Variants in SLC49A4 observed in about 807,000 individuals in gnomAD.
The protein encoded by SLC49A4 is disrupted in renal cancer protein 2.
In SLC49A4, 36 loss-of-function variants were observed where a neutral mutation model predicts 50.6. The observed-to-expected ratio is 0.71, with a 90% CI of 0.55 to 0.94. The LOEUF (loss-of-function observed/expected upper bound fraction) is 0.94. SLC49A4 is among the 40% of genes least tolerant of loss of function. SLC49A4 has a pLI of 0.00. For synonymous variants in SLC49A4, 248 were observed against 241.2 expected (o/e 1.03, Z -0.26); for missense variants, 503 against 605.7 (o/e 0.83, Z 1.78).
intron 7 of SLC49A4, among the ~76,000 whole-genome samples, chr3:122,860,907 G>C (rs1289011155): frequency 6.6e-6 from 1 of 152,156 alleles, no homozygotes; most frequent in Non-Finnish European, 1.5e-5. Flanking sequence ...ACAGACTCTA[G>C]GGAAGAATCT....
intron 2 of SLC49A4, among the ~76,000 whole-genome samples, chr3:122,809,300 CAA>C (rs1042241007): frequency 1.3e-5 from 2 of 152,136 alleles, no homozygotes; most frequent in African/African-American, 2.4e-5. Context: ...GATTTTAACA[CAA>C]GTCTCATTAT....
At chr3:122,842,360 C>A (rs1284589800) in intron 4 of SLC49A4, among the ~76,000 whole-genome samples, 2 of 151,918 alleles carry the variant, frequency 1.3e-5, no homozygotes, top group Non-Finnish European at 2.9e-5. Context: ...GTAGCGGGTG[C>A]CTGTAGTCCC....
At chr3:122,798,574 A>G (rs1350218089) in intron 1 of SLC49A4, among the ~76,000 whole-genome samples, 1 of 149,738 alleles carries the variant, frequency 6.7e-6, no homozygotes, top group African/African-American at 2.5e-5. Context: ...CAGGTGTTCC[A>G]TCTACGCACG....
intron 2 of SLC49A4, among the ~76,000 whole-genome samples, chr3:122,807,536 G>T (rs111894306): frequency 4.6e-5 from 7 of 152,086 alleles, no homozygotes; most frequent in South Asian, 4.2e-4. Context: ...GGAGTGTAAG[G>T]TATACGAAGG....
At chr3:122,825,589 T>C (rs1269306515) in intron 2 of SLC49A4, among the ~76,000 whole-genome samples, 1 of 151,772 alleles carries the variant, frequency 6.6e-6, no homozygotes, top group South Asian at 2.1e-4. Context: ...TTTATTTTTC[T>C]CTTCGGCATT....
intron 2 of SLC49A4, among the ~76,000 whole-genome samples, chr3:122,823,821 TTTCGTAAAATGATG>T (rs1936485524): frequency 1.3e-5 from 2 of 152,330 alleles, no homozygotes; most frequent in African/African-American, 4.8e-5. Context: ...TACAGATTTA[TTTCGTAAAATGATG>T]TTTGTTAATG....
rs1936012670 is a variant in SLC49A4, at chr3:122,795,504, C to T, written c.312C>T (p.Cys104=). The part of the protein sequence containing the change: ...VLWGPIGFLP[C]FAFMWLLDKR... The stretch of plus-strand genomic sequence containing the variant: ...GGGGGCCCATCGGCTTCCTGCCCTG[C>T]TTCGCGTTCATGTGGCTCCTGGACA... The change falls in exon 1 of 9, where the codon TGC becomes TGT. Residue 104 remains cysteine, a synonymous_variant. Transcript: ENST00000261038. The T allele has an allele frequency of 6.2e-7, 1 of 1,602,148 alleles. No homozygotes were observed.
intron 2 of SLC49A4, among the ~76,000 whole-genome samples, chr3:122,819,058 G>A (rs556161050): frequency 1.4e-4 from 21 of 151,884 alleles, no homozygotes; most frequent in Admixed American, 1.3e-3. Context: ...GGACTAGCCT[G>A]GGTAACATAG....
rs374625923 is a variant in SLC49A4, at chr3:122,864,068, A to G, written c.1138+3866A>G. Reference sequence around the variant, plus strand: ...CACGCCCAACCTCATTAAAACTAAAATTTTCTATGGCAATCTTTCTGTAGT... The same window carrying G: ...CACGCCCAACCTCATTAAAACTAAAGTTTTCTATGGCAATCTTTCTGTAGT... On this transcript the variant is annotated intron_variant, in intron 7 of 8. Coordinates refer to ENST00000261038, the MANE Select transcript of SLC49A4 (RefSeq NM_032839.3). Among the ~76,000 whole-genome samples, 26 of 152,078 alleles carry G rather than the reference A, an allele frequency of 1.7e-4. No homozygotes were observed. In the South Asian group the frequency reaches 5.2e-3, roughly 30 times the overall value.
intron 4 of SLC49A4, 152 bp from the exon 5 acceptor site, chr3:122,845,611 T>TA: frequency 2.8e-6 from 1 of 361,248 alleles, no homozygotes; most frequent in Middle Eastern, 7.2e-4. Flanking sequence ...CAGCACGTTT[T>TA]TTTTTTTTTT....
At chr3:122,801,513 C>T (rs1189763680) in intron 1 of SLC49A4, among the ~76,000 whole-genome samples, 2 of 151,940 alleles carry the variant, frequency 1.3e-5, no homozygotes, top group East Asian at 3.9e-4. Flanking sequence ...AACACTTGAA[C>T]CCAGAAGGCG....
intron 5 of SLC49A4, among the ~76,000 whole-genome samples, chr3:122,848,246 G>T (rs556762683): frequency 8.5e-5 from 13 of 152,192 alleles, no homozygotes; most frequent in South Asian, 8.3e-4. Flanking sequence ...TGTTTGAAAA[G>T]ATCATTTTTT....
chr3:122,834,115 A>C (rs913533751), intron 4 of SLC49A4, among the ~76,000 whole-genome samples: 1 of 152,128 alleles, frequency 6.6e-6, no homozygotes, highest in African/African-American at 2.4e-5. Context: ...TTGTCATTTG[A>C]AATTTTTTCA....
chr3:122,851,712 G>A (rs1329598542), intron 5 of SLC49A4, among the ~76,000 whole-genome samples: 1 of 152,024 alleles, frequency 6.6e-6, no homozygotes, highest in Non-Finnish European at 1.5e-5. Context: ...TCTAGTCAGT[G>A]TCTCTTCAAA....
In SLC49A4 at chr3:122,795,393, G is replaced by A. The variant is rs1936006281; in HGVS notation, c.201G>A (p.Leu67=). ...CGCTGCTGGCGTTCGTTCAGGGCCT[G>A]GTCTGGAACACCTGGGGTCCCATCC... ...LFSLLAFVQG[L]VWNTWGPIQN... The change falls in exon 1 of 9, where the codon CTG becomes CTA. Residue 67 remains leucine, a synonymous_variant. Transcript: ENST00000261038. The A allele has an allele frequency of 6.2e-7, 1 of 1,606,450 alleles. No individual in the cohort carries two copies.
At chr3:122,849,030 T>C (rs1576305489) in intron 5 of SLC49A4, among the ~76,000 whole-genome samples, 1 of 152,236 alleles carries the variant, frequency 6.6e-6, no homozygotes, top group East Asian at 1.9e-4. Flanking sequence ...TCCACCTTTT[T>C]AGTTCCCACA....
chr3:122,850,532 G>A (rs1380841017), intron 5 of SLC49A4, among the ~76,000 whole-genome samples: 2 of 150,132 alleles, frequency 1.3e-5, no homozygotes, highest in African/African-American at 2.5e-5. Context: ...TTTTGAGACA[G>A]CATCTTGATC....
rs115160589 is a variant in SLC49A4, at chr3:122,879,072, G to T, written c.1322-191G>T. Among the ~76,000 whole-genome samples the T allele has an allele frequency of 3.6e-3, 545 of 152,230 alleles. 5 individuals are homozygous for T. Among genetic ancestry groups the T allele is most frequent in the African/African-American group, 0.012 (509 of 41,526 alleles). On this transcript the variant is annotated intron_variant, in intron 8 of 8. Transcript: ENST00000261038. ...TTGATTAAAAATATTCCACATGGAA[G>T]CCCCGTCATATATTACACACATCAC...
chr3:122,879,271 T>A lies in SLC49A4; in HGVS notation c.1330T>A (p.Trp444Arg). 6.2e-7 allele frequency: 1 copy of A among 1,613,792 alleles called. No homozygotes were observed. The highest frequency in any genetic ancestry group is 1.3e-5 in the African/African-American group (1 of 75,048). ...GTTTTTTTGTCTTACAGAGTTGTCTTGGTTCAACTGGTGCCTTCCCGGGTC... is the reference window on the plus strand; with the variant it reads ...GTTTTTTTGTCTTACAGAGTTGTCTAGGTTCAACTGGTGCCTTCCCGGGTC... ...FLTFYHTELS[W>R]FNWCLPGSCL... The change falls in exon 9 of 9, where the codon TGG becomes AGG. Residue 444 changes from tryptophan to arginine, a missense_variant. Transcript: ENST00000261038.
Sources: gnomAD v4.1 joint callset for allele counts (sites outside exome capture counted in the v4.1 genomes callset) on GRCh38, gnomAD v4.1.1 for gene constraint, MANE v1.5 for transcripts, NCBI Gene and HGNC (gene_info 2026-07-23, HGNC 2026-07-21) for gene names.